Variants in COL15A1 observed in about 807,000 individuals in gnomAD.
The protein encoded by COL15A1 is collagen type XV alpha 1 chain, also known as collagen alpha-1(XV) chain.
COL15A1 carries 111 observed loss-of-function variants against 165.9 expected under a neutral mutation model. That is an observed-to-expected ratio of 0.67 (90% CI 0.57 to 0.78). The LOEUF (loss-of-function observed/expected upper bound fraction) is 0.78, where lower values mean the gene tolerates loss of function less well. COL15A1 is among the 30% of genes least tolerant of loss of function. COL15A1 has a pLI of 0.00. For missense variants in COL15A1, 1,745 were observed against 1,789.7 expected, an observed-to-expected ratio of 0.98 and a Z score of 0.45; for synonymous variants, 659 against 674.8, an observed-to-expected ratio of 0.98 and a Z score of 0.36.
At chr9:99,034,611 A>C in intron 17 of COL15A1, 27 bp downstream of exon 17, 3 of 1,454,024 alleles carry the variant, frequency 2.1e-6, no homozygotes, top group Non-Finnish European at 2.7e-6. Context: ...AAAAAAAAAA[A>C]AAAGAACTTT....
At chr9:99,008,918 G>A (rs1838804785) in intron 9 of COL15A1, among the ~76,000 whole-genome samples, 1 of 152,122 alleles carries the variant, frequency 6.6e-6, no homozygotes, top group Non-Finnish European at 1.5e-5. Context: ...CTACTCAATT[G>A]TTAAAAGCTG....
chr9:99,051,050 C>T (rs767031629), intron 30 of COL15A1, among the ~76,000 whole-genome samples: 1 of 152,172 alleles, frequency 6.6e-6, no homozygotes, highest in Non-Finnish European at 1.5e-5. Flanking sequence ...CATAAAATCT[C>T]AGTGCTGGAG....
rs1467166005 is a variant in COL15A1, at chr9:99,052,392, A to G, written c.2909A>G (p.Asp970Gly). The G allele has an allele frequency of 6.2e-7, 1 of 1,612,094 alleles. No homozygotes were observed. The highest frequency in any genetic ancestry group is 1.3e-5 in the African/African-American group (1 of 74,898). The change falls in exon 31 of 42, where the codon GAT (aspartate) becomes GGT (glycine). Residue 970 changes from aspartate (D) to glycine (G), a missense_variant. Physicochemically the swap from Asp to Gly is moderately conservative, Grantham distance 94. Coordinates refer to ENST00000375001, the MANE Select transcript of COL15A1 (RefSeq NM_001855.5). ...PVRPHCKMPVDTAHPGSPELI... is the reference protein window; with the variant it reads ...PVRPHCKMPVGTAHPGSPELI... The stretch of plus-strand genomic sequence containing the variant: ...CTGGCCTTCCTCTCTTTCCAGGTTG[A>G]TACTGCTCATCCTGGGAGTCCAGAG...
At chr9:99,044,472 T>C (rs867707982) in intron 24 of COL15A1, 96 bp from the exon 25 acceptor site, 3 of 1,099,498 alleles carry the variant, frequency 2.7e-6, no homozygotes, top group East Asian at 4.7e-5. Context: ...CAGAGGTCTC[T>C]GTACAAGGTG....
At chr9:98,991,222 T>C (rs1838420232) in intron 5 of COL15A1, among the ~76,000 whole-genome samples, 1 of 150,884 alleles carries the variant, frequency 6.6e-6, no homozygotes, top group Admixed American at 6.6e-5. Context: ...AAGTTGCCGC[T>C]GCTCACTCAG....
chr9:98,991,574 T>A (rs1838430881), intron 5 of COL15A1, among the ~76,000 whole-genome samples: 2 of 152,004 alleles, frequency 1.3e-5, no homozygotes, highest in African/African-American at 4.8e-5. Flanking sequence ...GACATAAAAG[T>A]TCTCCAAGTC....
At chr9:98,966,355 A>T (rs1304035328) in intron 2 of COL15A1, among the ~76,000 whole-genome samples, 1 of 152,118 alleles carries the variant, frequency 6.6e-6, no homozygotes, top group African/African-American at 2.4e-5. Context: ...CCCATGGAGG[A>T]GATGGGGGGC....
intron 2 of COL15A1, among the ~76,000 whole-genome samples, chr9:98,946,802 G>A (rs1266123486): frequency 6.6e-6 from 1 of 152,230 alleles, no homozygotes; most frequent in Non-Finnish European, 1.5e-5. Flanking sequence ...TGAGGAAACT[G>A]AGGCACAGTC....
chr9:98,970,948 G>A (rs1838039248), intron 2 of COL15A1, among the ~76,000 whole-genome samples: 1 of 152,186 alleles, frequency 6.6e-6, no homozygotes, highest in Non-Finnish European at 1.5e-5. Context: ...TTATGAGTAT[G>A]TGAACCTATG....
intron 39 of COL15A1, among the ~76,000 whole-genome samples, chr9:99,066,599 GTTTTT>G (rs67961829): frequency 0.015 from 1,065 of 71,012 alleles, 22 homozygotes; most frequent in African/African-American, 0.047. Context: ...ATTTTGTTCT[GTTTTT>G]TTTTTTTTTT....
chr9:98,968,536 C>A (rs915872526), intron 2 of COL15A1, among the ~76,000 whole-genome samples: 7 of 152,172 alleles, frequency 4.6e-5, no homozygotes, highest in African/African-American at 1.7e-4. Flanking sequence ...GTCTGTCAAA[C>A]CCCCTCCATG....
chr9:98,969,139 A>C (rs60355315), intron 2 of COL15A1, among the ~76,000 whole-genome samples: 1 of 152,048 alleles, frequency 6.6e-6, no homozygotes, highest in Non-Finnish European at 1.5e-5. Flanking sequence ...ATTTTGCAGA[A>C]GAGAAAACTG....
At chr9:98,954,611 C>T (rs1258090537) in intron 2 of COL15A1, among the ~76,000 whole-genome samples, 1 of 152,172 alleles carries the variant, frequency 6.6e-6, no homozygotes, top group Non-Finnish European at 1.5e-5. Flanking sequence ...TTGTGACGAT[C>T]GTAGTCTTGT....
chr9:99,016,040 G>A lies in COL15A1; in HGVS notation c.1568G>A (p.Gly523Asp). 2 of 1,614,084 alleles carry A rather than the reference G, an allele frequency of 1.2e-6. No individual in the cohort carries two copies. Among genetic ancestry groups the A allele is most frequent in the African/African-American group, 2.7e-5 (2 of 75,056 alleles). The change falls in exon 11 of 42, where the codon GGT becomes GAT. Residue 523 changes from glycine (G) to aspartate (D), a missense_variant. Transcript: ENST00000375001. Reference sequence around the variant, plus strand: ...GAGGAGCCCCTCATCACAGCTGGGGGTGAAGAGTCCGGCAGCCCTCCCCCT... The same window carrying A: ...GAGGAGCCCCTCATCACAGCTGGGGATGAAGAGTCCGGCAGCCCTCCCCCT... ...TTEEPLITAGGEESGSPPPDG... is the reference protein window; with the variant it reads ...TTEEPLITAGDEESGSPPPDG...
At chr9:98,956,229 C>T (rs1837773454) in intron 2 of COL15A1, among the ~76,000 whole-genome samples, 1 of 152,104 alleles carries the variant, frequency 6.6e-6, no homozygotes. Flanking sequence ...TCTCTTGAGC[C>T]CAAGAGGCAG....
intron 22 of COL15A1, among the ~76,000 whole-genome samples, chr9:99,039,375 G>T (rs1268827467): frequency 6.6e-6 from 1 of 152,168 alleles, no homozygotes; most frequent in Non-Finnish European, 1.5e-5. Flanking sequence ...TGGGCATGGT[G>T]GCATGTGCCT....
chr9:98,963,904 G>A (rs1588492966), intron 2 of COL15A1, among the ~76,000 whole-genome samples: 1 of 152,302 alleles, frequency 6.6e-6, no homozygotes, highest in South Asian at 2.1e-4. Context: ...GTGACGGTGT[G>A]TGCTTGATAG....
chr9:98,987,352 AC>A lies in COL15A1; in HGVS notation c.710del (p.Pro237LeufsTer19), dbSNP rs1295285939. On this transcript the variant is annotated frameshift_variant, in exon 4 of 42. Coordinates refer to ENST00000375001, the MANE Select transcript of COL15A1 (RefSeq NM_001855.5). LOFTEE classifies it high-confidence loss of function. Reference protein sequence around the residue: ...PDPRTPEELCDPEESSASGET... With the variant: ...PDPRTPEELCXPEESSASGET... ...CCCAGGACTCCCGAGGAGCTGTGTG[AC>A]CCTGAAGAGTCCTCGGTGAGCTCCC... The A allele has an allele frequency of 6.2e-7, 1 of 1,612,368 alleles. No homozygotes were observed. Among genetic ancestry groups the A allele is most frequent in the Non-Finnish European group, 8.5e-7 (1 of 1,179,272 alleles).
intron 9 of COL15A1, among the ~76,000 whole-genome samples, chr9:99,011,446 AT>A (rs1284026185): frequency 6.7e-6 from 1 of 149,864 alleles, no homozygotes; most frequent in Non-Finnish European, 1.5e-5. Flanking sequence ...CTAGGACAAA[AT>A]TTACCATAAA....
Sources: allele counts gnomAD v4.1 joint callset (sites outside exome capture counted in the v4.1 genomes callset), GRCh38; gene constraint gnomAD v4.1.1; transcripts MANE v1.5; gene names NCBI Gene and HGNC (gene_info 2026-07-23, HGNC 2026-07-21).